Variants in VPS35 observed in about 807,000 individuals in gnomAD.
VPS35 encodes VPS35 retromer complex component.
Under a neutral mutation model 98.1 loss-of-function variants are expected in VPS35, and 21 were observed. The observed-to-expected ratio is 0.21, with a 90% CI of 0.15 to 0.31. The LOEUF (loss-of-function observed/expected upper bound fraction) is 0.31, where lower values mean the gene tolerates loss of function less well. VPS35 is among the 10% of genes least tolerant of loss of function. The pLI, the probability that VPS35 is intolerant of heterozygous loss-of-function variation, is 1.00. For synonymous variants in VPS35, 268 were observed against 318.2 expected (o/e 0.84, Z 1.68); for missense variants, 554 against 950.8 (o/e 0.58, Z 5.49).
chr16:46,657,476 G>C lies in VPS35; in HGVS notation c.*2996C>G, dbSNP rs183765045. On this transcript the variant is annotated 3_prime_UTR_variant, in exon 17 of 17. Transcript: ENST00000299138. ...GCCTGTGGTGGTGCATTTATTCCTT[G>C]AGGTCTGTCACATTTCTCAATGCCT... The C allele has an allele frequency of 1.3e-5, 2 of 152,270 alleles. No homozygotes were observed. Among genetic ancestry groups the C allele is most frequent in the Non-Finnish European group, 2.9e-5 (2 of 68,046 alleles). 9.4% of individuals were successfully genotyped at this position (152,270 alleles called of 1,614,324 possible).
At chr16:46,666,783 G>A (rs1423029382) in intron 13 of VPS35, among the ~76,000 whole-genome samples, 3 of 152,138 alleles carry the variant, frequency 2.0e-5, no homozygotes, top group African/African-American at 4.8e-5. Flanking sequence ...CTACTATGTA[G>A]AGAATATGTG....
Position 46,662,294 on chromosome 16 carries a change from G to A in VPS35, c.2016C>T (p.Thr672=), listed in dbSNP as rs746999621. The A allele has an allele frequency of 6.2e-6, 10 of 1,614,156 alleles. No individual in the cohort carries two copies. The highest frequency in any genetic ancestry group is 1.6e-4 in the Middle Eastern group (1 of 6,062). ...KKPDQGRAVS[T]CAHLFWSGRN... ...TGCCAGACCAGAAGAGATGTGCACA[G>A]GTGCTCACAGCTCGGCCCTGATCAG... The change falls in exon 15 of 17, where the codon ACC becomes ACT. Residue 672 remains threonine (T), a synonymous_variant. Transcript: ENST00000299138.
At chr16:46,663,665 G>C (rs1311040255) in intron 13 of VPS35, among the ~76,000 whole-genome samples, 1 of 151,546 alleles carries the variant, frequency 6.6e-6, no homozygotes, top group African/African-American at 2.4e-5. Context: ...CCAAAGTGCT[G>C]GGATCACAGG....
intron 12 of VPS35, among the ~76,000 whole-genome samples, chr16:46,670,548 G>A (rs190756074): frequency 6.6e-6 from 1 of 152,152 alleles, no homozygotes; most frequent in Admixed American, 6.5e-5. Flanking sequence ...GCCTCTCAAA[G>A]TGCCAGGATT....
chr16:46,671,714 C>A lies in VPS35; in HGVS notation c.1515G>T (p.Gln505His). ...AAGGGTAAACTCATACCAAGTACTGCTGGTCAGGGTCCTCAGAGCGCAGCA... is the reference window on the plus strand; with the variant it reads ...AAGGGTAAACTCATACCAAGTACTGATGGTCAGGGTCCTCAGAGCGCAGCA... ...IHLLRSEDPD[Q>H]QYLILNTARK... The change falls in exon 12 of 17, where the codon CAG (glutamine) becomes CAT (histidine). Residue 505 changes from glutamine to histidine, a missense_variant. This residue lies in a region of VPS35 where 254 missense variants were observed against 390.1 expected (regional missense o/e 0.65). Coordinates refer to ENST00000299138, the MANE Select transcript of VPS35 (RefSeq NM_018206.6). The A allele has an allele frequency of 6.2e-7, 1 of 1,614,166 alleles. No individual in the cohort carries two copies. Among genetic ancestry groups the A allele is most frequent in the Non-Finnish European group, 8.5e-7 (1 of 1,179,998 alleles).
intron 1 of VPS35, 96 bp downstream of exon 1, chr16:46,689,035 G>A: frequency 6.4e-7 from 1 of 1,564,282 alleles, no homozygotes; most frequent in Non-Finnish European, 8.7e-7. Context: ...ACGGTCTGTG[G>A]GGCCCCTTCT....
At chr16:46,678,301 G>A (rs1194170942) in intron 6 of VPS35, among the ~76,000 whole-genome samples, 1 of 75,728 alleles carries the variant, frequency 1.3e-5, no homozygotes, top group Non-Finnish European at 2.4e-5. Context: ...TAGCTGATGA[G>A]CTTTAAAAAA....
intron 5 of VPS35, among the ~76,000 whole-genome samples, chr16:46,679,674 AG>A (rs1199149491): frequency 1.3e-5 from 2 of 152,228 alleles, no homozygotes; most frequent in African/African-American, 4.8e-5. Context: ...AAGCTTTGTG[AG>A]GGAAGAGACC....
intron 12 of VPS35, among the ~76,000 whole-genome samples, chr16:46,669,666 C>CAAA (rs949838651): frequency 1.6e-5 from 1 of 60,740 alleles, no homozygotes. Flanking sequence ...GATTCCATCT[C>CAAA]AAAAAAAAAA....
chr16:46,681,608 T>C (rs998310101), intron 3 of VPS35, 108 bp from the exon 4 acceptor site: 5 of 1,332,632 alleles, frequency 3.8e-6, no homozygotes, highest in Non-Finnish European at 5.3e-6. Context: ...TAAGTTTTAG[T>C]CCTTTAAGAA....
chr16:46,660,301 T>A lies in VPS35; in HGVS notation c.*171A>T, dbSNP rs1965892258. ...AACACTTACCAAGTGAATAATTTTA[T>A]TAAGGTCCTGAAGGTGAGTGTCCGG... is the stretch of plus-strand genomic sequence containing the variant. On this transcript the variant is annotated 3_prime_UTR_variant, in exon 17 of 17. Transcript: ENST00000299138. The A allele has an allele frequency of 4.5e-6, 3 of 665,752 alleles. No individual in the cohort carries two copies. Among genetic ancestry groups the A allele is most frequent in the Non-Finnish European group, 7.5e-6 (3 of 399,622 alleles). 41.2% of individuals were successfully genotyped at this position (665,752 alleles called of 1,614,324 possible).
intron 11 of VPS35, 30 bp from the exon 12 acceptor site, chr16:46,671,890 T>C (rs557944127): frequency 1.2e-6 from 2 of 1,611,580 alleles, no homozygotes; most frequent in East Asian, 2.2e-5. Context: ...AGAAACCCAC[T>C]GAGGTGAAAC....
intron 1 of VPS35, among the ~76,000 whole-genome samples, chr16:46,684,475 G>C (rs1966282211): frequency 6.6e-6 from 1 of 152,162 alleles, no homozygotes; most frequent in Non-Finnish European, 1.5e-5. Flanking sequence ...TCCTCAAATA[G>C]CTTACACCAT....
Position 46,679,170 on chromosome 16 carries a change from G to C in VPS35, c.507-14C>G. The C allele has an allele frequency of 6.3e-7, 1 of 1,587,542 alleles. No homozygotes were observed. Among genetic ancestry groups the C allele is most frequent in the Non-Finnish European group, 8.6e-7 (1 of 1,164,824 alleles). ...GTTGTTTCTTCACTGCAAAGAAACA[G>C]AAAAGTCTTTACACAGTATTTACAG... On this transcript the variant is annotated splice_polypyrimidine_tract_variant and intron_variant, in intron 5 of 16. Coordinates refer to ENST00000299138, the MANE Select transcript of VPS35 (RefSeq NM_018206.6).
At chr16:46,668,546 C>T (rs972381456) in intron 13 of VPS35, among the ~76,000 whole-genome samples, 5 of 152,092 alleles carry the variant, frequency 3.3e-5, no homozygotes, top group Admixed American at 1.3e-4. Flanking sequence ...AAGAAAAAAG[C>T]TCATAAAAAG....
chr16:46,672,910 T>C (rs1966089693), intron 10 of VPS35, among the ~76,000 whole-genome samples: 1 of 152,214 alleles, frequency 6.6e-6, no homozygotes, highest in South Asian at 2.1e-4. Context: ...CATAAACTAT[T>C]TCTTCTGCAT....
intron 4 of VPS35, 105 bp downstream of exon 4, chr16:46,681,272 T>A: frequency 6.8e-7 from 1 of 1,475,396 alleles, no homozygotes; most frequent in South Asian, 1.2e-5. Context: ...TCTCAATTTG[T>A]TAAGAAGTTA....
intron 13 of VPS35, among the ~76,000 whole-genome samples, chr16:46,667,521 CTTATT>C (rs532465743): frequency 9.9e-4 from 151 of 152,040 alleles, no homozygotes; most frequent in African/African-American, 3.5e-3. Context: ...TTATTTTAAG[CTTATT>C]TTAAACTTAT....
rs1340214690 is a variant in VPS35, at chr16:46,659,162, G to C, written c.*1310C>G. The C allele has an allele frequency of 6.6e-6, 1 of 152,244 alleles. No homozygotes were observed. The highest frequency in any genetic ancestry group is 2.4e-5 in the African/African-American group (1 of 41,406). 9.4% of individuals were successfully genotyped at this position (152,244 alleles called of 1,614,324 possible). A position where few individuals can be genotyped will look rare whatever the true frequency, so the allele number is the denominator to read the frequency against. On this transcript the variant is annotated 3_prime_UTR_variant, in exon 17 of 17. Transcript: ENST00000299138. The stretch of plus-strand genomic sequence containing the variant: ...AGGAACTTAGGCCTCTGCCCTCAAG[G>C]AGAGGAACTGGGGCCTCTGCCCTCA...
Sources: allele counts gnomAD v4.1 joint callset (sites outside exome capture counted in the v4.1 genomes callset), GRCh38; gene constraint gnomAD v4.1.1; regional missense constraint gnomAD v4.1.1; transcripts MANE v1.5; gene names NCBI Gene and HGNC (gene_info 2026-07-23, HGNC 2026-07-21).